Variants in GRIP1 observed in about 807,000 individuals in gnomAD.
GRIP1 encodes the protein glutamate receptor interacting protein 1.
GRIP1 carries 45 observed loss-of-function variants against 129.9 expected under a neutral mutation model. The observed-to-expected ratio is 0.35, with a 90% CI of 0.27 to 0.44. The LOEUF is 0.44. GRIP1 is among the 20% of genes least tolerant of loss of function. The probability of loss-of-function intolerance (pLI) is 1.00; values close to 1 mark genes in which losing one functional copy is unlikely to be tolerated. For synonymous variants in GRIP1, 530 were observed against 520.8 expected (o/e 1.02, Z -0.24); for missense variants, 1,196 against 1,396.8 (o/e 0.86, Z 2.29).
intron 2 of GRIP1, among the ~76,000 whole-genome samples, chr12:66,580,362 T>C (rs1028989091): frequency 2.0e-5 from 3 of 147,224 alleles, no homozygotes; most frequent in African/African-American, 5.0e-5. Context: ...ACGAGCAAAA[T>C]CACCAGCTAA....
Position 66,353,405 on chromosome 12 carries a change from C to T in GRIP1, c.3159+12G>A. 6.3e-7 allele frequency: 1 copy of T among 1,593,062 alleles called. No homozygotes were observed. The highest frequency in any genetic ancestry group is 8.6e-7 in the Non-Finnish European group (1 of 1,160,960). On this transcript the variant is annotated intron_variant, in intron 24 of 24. Coordinates refer to ENST00000359742, the MANE Select transcript of GRIP1 (RefSeq NM_001366722.1). ...TACTTGCAAGGAATTAAAATTCCAC[C>T]TGAGGTCTTACCTGTAAGAGCCTGT...
At chr12:66,507,750 C>T (rs563169316) in intron 7 of GRIP1, among the ~76,000 whole-genome samples, 3 of 144,624 alleles carry the variant, frequency 2.1e-5, no homozygotes, top group African/African-American at 7.7e-5. Context: ...TACCATAGGG[C>T]ATTCCTTTCT....
At chr12:66,570,648 C>T (rs1463583723) in intron 2 of GRIP1, among the ~76,000 whole-genome samples, 3 of 152,166 alleles carry the variant, frequency 2.0e-5, no homozygotes, top group South Asian at 2.1e-4. Context: ...AACTGAGTCT[C>T]GAATTTCTGG....
chr12:67,030,884 T>C (rs1185519418), intron 1 of GRIP1, among the ~76,000 whole-genome samples: 2 of 152,178 alleles, frequency 1.3e-5, no homozygotes, highest in South Asian at 4.1e-4. Flanking sequence ...GTTAGAAGCC[T>C]AATTACTAAA....
chr12:66,991,217 G>C (rs1205334476), intron 1 of GRIP1, among the ~76,000 whole-genome samples: 5 of 152,112 alleles, frequency 3.3e-5, no homozygotes, highest in Non-Finnish European at 5.9e-5. Context: ...AGCTTGCAGT[G>C]AGCCGAGATC....
rs773308920 is a variant in GRIP1, at chr12:66,349,215, C to T, written c.3191G>A (p.Cys1064Tyr). 13 of 1,614,004 alleles carry T rather than the reference C, an allele frequency of 8.1e-6. No homozygotes were observed. The South Asian group carries it at 1.2e-4, about 15-fold the overall frequency. ...TGCTATGAGGGGCACAACAAGGCAG[C>T]AGTCAAAGTCTCTGGTTCGGACATG... ...VNHVRTRDFD[C>Y]CLVVPLIAES... The change falls in exon 25 of 25, where the codon TGC (cysteine) becomes TAC (tyrosine). Residue 1064 changes from cysteine (C) to tyrosine (Y), a missense_variant. Physicochemically the swap from Cys to Tyr is radical, Grantham distance 194. Around this residue, in one of 5 missense-constraint regions of GRIP1, gnomAD observed 427 missense variants for 463.3 expected, o/e 0.92. Transcript: ENST00000359742.
chr12:67,065,885 A>G (rs2043615860), intron 1 of GRIP1, among the ~76,000 whole-genome samples: 1 of 152,254 alleles, frequency 6.6e-6, no homozygotes, highest in Non-Finnish European at 1.5e-5. Context: ...TGATTGGAAG[A>G]GATATCAAAC....
At chr12:66,877,355 T>G (rs1164491830) in intron 1 of GRIP1, among the ~76,000 whole-genome samples, 1 of 152,114 alleles carries the variant, frequency 6.6e-6, no homozygotes, top group East Asian at 1.9e-4. Context: ...AATCCATGTA[T>G]GTTGATATTG....
intron 2 of GRIP1, among the ~76,000 whole-genome samples, chr12:66,585,875 G>C (rs2063611912): frequency 6.6e-6 from 1 of 151,970 alleles, no homozygotes; most frequent in Non-Finnish European, 1.5e-5. Context: ...ATTTTTTCAT[G>C]TGTTTTTTGG....
chr12:66,770,923 A>G (rs765832461), intron 1 of GRIP1, among the ~76,000 whole-genome samples: 1 of 152,146 alleles, frequency 6.6e-6, no homozygotes, highest in Non-Finnish European at 1.5e-5. Flanking sequence ...GTGAAACTCC[A>G]TCTCTACTAA....
At chr12:66,465,763 G>A (rs1451154686) in intron 7 of GRIP1, among the ~76,000 whole-genome samples, 1 of 152,122 alleles carries the variant, frequency 6.6e-6, no homozygotes, top group Non-Finnish European at 1.5e-5. Context: ...CTCAGTAAAG[G>A]TTTTTTAAAT....
At chr12:66,736,554 G>A (rs1336378241) in intron 1 of GRIP1, among the ~76,000 whole-genome samples, 1 of 151,452 alleles carries the variant, frequency 6.6e-6, no homozygotes, top group Non-Finnish European at 1.5e-5. Flanking sequence ...TCATCATAAG[G>A]GTCTTCATCC....
chr12:66,925,314 T>G (rs563586771), intron 1 of GRIP1, among the ~76,000 whole-genome samples: 38 of 152,226 alleles, frequency 2.5e-4, no homozygotes, highest in African/African-American at 8.4e-4. Context: ...CAAAGCAGCA[T>G]GCACTCCCCA....
rs145452933 is a variant in GRIP1, at chr12:66,481,664, C to T, written c.725-16242G>A. On this transcript the variant is annotated intron_variant, in intron 7 of 24. Transcript: ENST00000359742. ...ATATGTACACGTATGTTTCTTGCAGCACTGTTCACAATAGCAAAGACTTGG... is the reference window on the plus strand; with the variant it reads ...ATATGTACACGTATGTTTCTTGCAGTACTGTTCACAATAGCAAAGACTTGG... Among the ~76,000 whole-genome samples the T allele has an allele frequency of 6.0e-3, 920 of 152,274 alleles. 8 individuals are homozygous for T. The highest frequency in any genetic ancestry group is 0.021 in the African/African-American group (875 of 41,542).
chr12:66,361,867 A>G (rs1361664103), intron 23 of GRIP1, among the ~76,000 whole-genome samples: 3 of 152,110 alleles, frequency 2.0e-5, no homozygotes, highest in Non-Finnish European at 4.4e-5. Flanking sequence ...TGACTCAGGA[A>G]CATCCTGCAG....
chr12:66,382,020 G>A (rs1014445935), intron 19 of GRIP1, among the ~76,000 whole-genome samples: 6 of 152,290 alleles, frequency 3.9e-5, no homozygotes, highest in African/African-American at 1.4e-4. Flanking sequence ...GAGCTTAGGA[G>A]TTTGAGACCA....
At chr12:66,983,053 A>T (rs1178635342) in intron 1 of GRIP1, among the ~76,000 whole-genome samples, 1 of 152,196 alleles carries the variant, frequency 6.6e-6, no homozygotes, top group East Asian at 1.9e-4. Context: ...CCTGAAATGT[A>T]GATGTCATGC....
chr12:66,456,420 G>A (rs1399838476), intron 9 of GRIP1, 78 bp from the exon 10 acceptor site: 2 of 648,484 alleles, frequency 3.1e-6, no homozygotes, highest in African/African-American at 1.9e-5. Context: ...AAAAATAACT[G>A]AATTGCCCAA....
chr12:66,388,342 T>G (rs1196054128), intron 19 of GRIP1, among the ~76,000 whole-genome samples: 1 of 152,070 alleles, frequency 6.6e-6, no homozygotes, highest in Non-Finnish European at 1.5e-5. Context: ...AAACAAATGA[T>G]CAAAATGACC....
Sources: gnomAD v4.1 joint callset for allele counts (sites outside exome capture counted in the v4.1 genomes callset) on GRCh38, gnomAD v4.1.1 for gene constraint, gnomAD v4.1.1 regional missense constraint, MANE v1.5 for transcripts, NCBI Gene and HGNC (gene_info 2026-07-23, HGNC 2026-07-21) for gene names.